Variants in DPYD observed in about 807,000 individuals in gnomAD.
DPYD encodes dihydropyrimidine dehydrogenase [NADP(+)].
In DPYD, 109 loss-of-function variants were observed where a neutral mutation model predicts 116.2. The observed-to-expected ratio is 0.94, with a 90% CI of 0.80 to 1.10. DPYD has a LOEUF of 1.10. Among genes scored for constraint, DPYD ranks in the 50% least tolerant of loss-of-function variants. The pLI is 0.00. For synonymous variants in DPYD, 440 were observed against 432.0 expected, an observed-to-expected ratio of 1.02 and a Z score of -0.23; for missense variants, 1,302 against 1,254.5, an observed-to-expected ratio of 1.04 and a Z score of -0.57.
chr1:97,540,585 G>A (rs528144691), intron 12 of DPYD, among the ~76,000 whole-genome samples: 14 of 152,172 alleles, frequency 9.2e-5, no homozygotes, highest in South Asian at 8.3e-4. Context: ...AAGCACCCCC[G>A]TCACCCATAT....
intron 3 of DPYD, among the ~76,000 whole-genome samples, chr1:97,764,007 T>C (rs1460257427): frequency 6.6e-6 from 1 of 152,058 alleles, no homozygotes; most frequent in African/African-American, 2.4e-5. Context: ...AAGTAGGATG[T>C]CATCACTGTA....
intron 21 of DPYD, among the ~76,000 whole-genome samples, chr1:97,083,048 C>G (rs565672826): frequency 1.2e-4 from 18 of 152,108 alleles, no homozygotes; most frequent in African/African-American, 4.3e-4. Context: ...TAGGTTGATC[C>G]AATAATTAAG....
chr1:97,837,990 G>T (rs1360249401), intron 2 of DPYD, among the ~76,000 whole-genome samples: 1 of 151,944 alleles, frequency 6.6e-6, no homozygotes, highest in Non-Finnish European at 1.5e-5. Context: ...TTCTTATTAA[G>T]TATATAAAAT....
At chr1:97,468,509 C>T (rs1057229648) in intron 13 of DPYD, among the ~76,000 whole-genome samples, 9 of 152,224 alleles carry the variant, frequency 5.9e-5, no homozygotes, top group African/African-American at 2.2e-4. Flanking sequence ...TGTGCCTTCA[C>T]CAGACACCAA....
At chr1:97,476,213 C>T (rs1677953524) in intron 13 of DPYD, among the ~76,000 whole-genome samples, 1 of 152,300 alleles carries the variant, frequency 6.6e-6, no homozygotes, top group African/African-American at 2.4e-5. Flanking sequence ...GTAACAGATT[C>T]ATCTCAGATC....
chr1:97,885,760 CTG>C lies in DPYD; in HGVS notation c.40-2388_40-2387del, dbSNP rs545277308. 1.7e-3 allele frequency among the ~76,000 whole-genome samples: 253 copies of C among 152,146 alleles called. 1 individual carries two copies. The highest frequency in any genetic ancestry group is 5.8e-3 in the African/African-American group (241 of 41,554). ...ATGCAAAAAGAATTGAATTGGAACT[CTG>C]TTTTTCTGAGTATGGGACTTATATT... On this transcript the variant is annotated intron_variant, in intron 1 of 22. Coordinates refer to ENST00000370192, the MANE Select transcript of DPYD (RefSeq NM_000110.4).
At chr1:97,599,556 G>A (rs1350514059) in intron 8 of DPYD, among the ~76,000 whole-genome samples, 2 of 152,030 alleles carry the variant, frequency 1.3e-5, no homozygotes, top group African/African-American at 4.8e-5. Context: ...AATGATGCAA[G>A]CATTTGTGTG....
rs1309205586 is a variant in DPYD, at chr1:97,687,976, G to GT, written c.762+3740dup. Among the ~76,000 whole-genome samples, 4 of 152,154 alleles carry GT rather than the reference G, an allele frequency of 2.6e-5. No individual in the cohort carries two copies. The East Asian group carries it at 7.7e-4, about 29-fold the overall frequency. On this transcript the variant is annotated intron_variant, in intron 7 of 22. Transcript: ENST00000370192. ...AACAACACACACTGGGGCCAGTTGA[G>GT]TGGGGCAGGGACAGGGAGAGAATCA...
intron 1 of DPYD, among the ~76,000 whole-genome samples, chr1:97,914,244 T>C (rs937756793): frequency 5.9e-5 from 9 of 152,152 alleles, no homozygotes; most frequent in African/African-American, 1.7e-4. Context: ...CAAAATAGGT[T>C]ATCTCCAACC....
At chr1:97,361,582 A>G (rs1469843684) in intron 16 of DPYD, among the ~76,000 whole-genome samples, 1 of 152,366 alleles carries the variant, frequency 6.6e-6, no homozygotes, top group East Asian at 1.9e-4. Flanking sequence ...CGAATCCAGC[A>G]GCACATCAAA....
chr1:97,680,794 C>A (rs752451217), intron 7 of DPYD, among the ~76,000 whole-genome samples: 4 of 152,078 alleles, frequency 2.6e-5, no homozygotes, highest in Admixed American at 6.6e-5. Context: ...GGAAGATGAA[C>A]TCTATAATCA....
intron 20 of DPYD, 128 bp downstream of exon 20, chr1:97,192,941 A>G (rs979755514): frequency 7.8e-6 from 8 of 1,028,692 alleles, no homozygotes; most frequent in African/African-American, 1.6e-5. Flanking sequence ...GAAAGAGTCC[A>G]CTGAAGAAAT....
At chr1:97,291,258 C>A (rs1344451768) in intron 18 of DPYD, among the ~76,000 whole-genome samples, 1 of 151,710 alleles carries the variant, frequency 6.6e-6, no homozygotes, top group Non-Finnish European at 1.5e-5. Context: ...ACTAGTTCAA[C>A]CATTATGGAA....
chr1:97,180,260 A>G (rs1456892973), intron 20 of DPYD, among the ~76,000 whole-genome samples: 1 of 152,142 alleles, frequency 6.6e-6, no homozygotes, highest in Non-Finnish European at 1.5e-5. Flanking sequence ...CATTATCAAA[A>G]TGACTCCTTT....
intron 11 of DPYD, among the ~76,000 whole-genome samples, chr1:97,570,951 C>T (rs1652849489): frequency 6.6e-6 from 1 of 151,828 alleles, no homozygotes; most frequent in Non-Finnish European, 1.5e-5. Flanking sequence ...AGGAGGTCTT[C>T]TGCGAAATGG....
intron 13 of DPYD, among the ~76,000 whole-genome samples, chr1:97,507,151 C>T (rs985588571): frequency 2.6e-5 from 4 of 151,956 alleles, no homozygotes; most frequent in African/African-American, 9.7e-5. Context: ...ATTTAATAAA[C>T]TAATTCTTTA....
At chr1:97,744,915 C>T (rs1664463612) in intron 3 of DPYD, among the ~76,000 whole-genome samples, 1 of 152,084 alleles carries the variant, frequency 6.6e-6, no homozygotes, top group Middle Eastern at 3.4e-3. Context: ...TTATCCTTTG[C>T]TTCCAGACCC....
At chr1:97,483,461 A>G (rs533714770) in intron 13 of DPYD, among the ~76,000 whole-genome samples, 211 of 152,260 alleles carry the variant, frequency 1.4e-3, no homozygotes, top group African/African-American at 4.8e-3. Flanking sequence ...ATGAGAACAC[A>G]TGGACACAGG....
chr1:97,179,663 G>A (rs1404679808), intron 20 of DPYD, among the ~76,000 whole-genome samples: 1 of 152,078 alleles, frequency 6.6e-6, no homozygotes, highest in Non-Finnish European at 1.5e-5. Flanking sequence ...CATAAACAGT[G>A]CCTGAAGCTG....
Sources: allele counts gnomAD v4.1 joint callset (sites outside exome capture counted in the v4.1 genomes callset), GRCh38; gene constraint gnomAD v4.1.1; transcripts MANE v1.5; gene names NCBI Gene and HGNC (gene_info 2026-07-23, HGNC 2026-07-21).